Variants in HARBI1 observed in about 807,000 individuals in gnomAD.
HARBI1 encodes the protein harbinger transposase derived 1.
A neutral mutation model predicts 25.3 loss-of-function variants in HARBI1; 15 were observed. The observed-to-expected ratio is 0.59, with a 90% CI of 0.40 to 0.91. The LOEUF is 0.91. Ranked by LOEUF, HARBI1 falls within the 40% of genes least tolerant of loss-of-function variation. HARBI1 has a pLI of 0.00. For synonymous variants in HARBI1, 168 were observed against 160.5 expected (o/e 1.05, Z -0.35); for missense variants, 396 against 445.8 (o/e 0.89, Z 1.01).
In HARBI1 at chr11:46,615,799, C is replaced by A; in HGVS notation, c.439G>T (p.Val147Leu). 3.1e-6 allele frequency: 5 copies of A among 1,614,198 alleles called. No individual in the cohort carries two copies. Among genetic ancestry groups the A allele is most frequent in the Non-Finnish European group, 4.2e-6 (5 of 1,180,034 alleles). Residue 147 changes from valine to leucine, a missense_variant, in exon 2 of 3, where the codon GTG (valine) becomes TTG (leucine). Coordinates refer to ENST00000326737, the MANE Select transcript of HARBI1 (RefSeq NM_173811.4). ...GLAGMPGVMG[V>L]VDCIHVAIKA... The stretch of plus-strand genomic sequence containing the variant: ...ATGGCCACATGGATACAGTCAACCA[C>A]CCCCATCACCCCTGGCATCCCTGCC...
At chr11:46,611,952 C>G (rs753936912) in intron 2 of HARBI1, among the ~76,000 whole-genome samples, 6 of 152,064 alleles carry the variant, frequency 3.9e-5, no homozygotes, top group Admixed American at 3.9e-4. Flanking sequence ...AAAAATAGTA[C>G]GGAGAAGCAA....
chr11:46,615,453 G>A (rs2045342587), intron 2 of HARBI1, 115 bp downstream of exon 2: 3 of 798,890 alleles, frequency 3.8e-6, no homozygotes, highest in East Asian at 5.0e-5. Flanking sequence ...CTTGACCTCA[G>A]GTGATCTACC....
chr11:46,604,832 GT>G (rs1391031383), intron 2 of HARBI1, among the ~76,000 whole-genome samples: 2 of 152,170 alleles, frequency 1.3e-5, no homozygotes, highest in African/African-American at 2.4e-5. Context: ...AATAGTAATA[GT>G]TGGTGATAAG....
chr11:46,604,534 A>G, intron 2 of HARBI1: 1 of 984,896 alleles, frequency 1.0e-6, no homozygotes, highest in South Asian at 4.7e-5. Context: ...ATGAAACAGG[A>G]AAAAAGAGAA....
At chr11:46,615,440 G>A in intron 2 of HARBI1, 128 bp downstream of exon 2, 1 of 739,032 alleles carries the variant, frequency 1.4e-6, no homozygotes, top group East Asian at 2.6e-5. Context: ...CTGGTCTCCA[G>A]CTCTTGACCT....
chr11:46,606,179 C>T (rs2044942689), intron 2 of HARBI1, among the ~76,000 whole-genome samples: 1 of 152,110 alleles, frequency 6.6e-6, no homozygotes, highest in Non-Finnish European at 1.5e-5. Flanking sequence ...AGACACCACG[C>T]CCGGCCATAA....
chr11:46,613,429 T>C (rs1156329482), intron 2 of HARBI1, among the ~76,000 whole-genome samples: 2 of 151,830 alleles, frequency 1.3e-5, no homozygotes, highest in Non-Finnish European at 2.9e-5. Flanking sequence ...CTCAATTGTA[T>C]GGATGTACAA....
intron 2 of HARBI1, among the ~76,000 whole-genome samples, chr11:46,604,933 A>G (rs541415723): frequency 5.3e-5 from 8 of 152,344 alleles, no homozygotes; most frequent in Admixed American, 5.2e-4. Flanking sequence ...AAGTGCTAAC[A>G]AAACAACAAC....
intron 2 of HARBI1, chr11:46,604,664 C>T: frequency 1.0e-6 from 1 of 985,296 alleles, no homozygotes; most frequent in Non-Finnish European, 1.2e-6. Context: ...GTAATTTATT[C>T]TCCCAGTGCT....
At chr11:46,612,221 T>C (rs1013085040) in intron 2 of HARBI1, among the ~76,000 whole-genome samples, 2 of 152,064 alleles carry the variant, frequency 1.3e-5, no homozygotes, top group Non-Finnish European at 2.9e-5. Context: ...ACTGGTATTA[T>C]GAGCCTGGGC....
At chr11:46,614,440 A>C (rs936194252) in intron 2 of HARBI1, among the ~76,000 whole-genome samples, 2 of 151,854 alleles carry the variant, frequency 1.3e-5, no homozygotes, top group Non-Finnish European at 2.9e-5. Flanking sequence ...TAATAATAAT[A>C]ATAATTTTTT....
At chr11:46,614,447 T>A (rs1245283570) in intron 2 of HARBI1, among the ~76,000 whole-genome samples, 1 of 151,714 alleles carries the variant, frequency 6.6e-6, no homozygotes, top group East Asian at 1.9e-4. Flanking sequence ...AATAATAATT[T>A]TTTTTTACGT....
chr11:46,603,502 G>A lies in HARBI1; in HGVS notation c.*28C>T. 1.9e-6 allele frequency: 3 copies of A among 1,545,592 alleles called. No individual in the cohort carries two copies. Among genetic ancestry groups the A allele is most frequent in the Non-Finnish European group, 2.6e-6 (3 of 1,143,006 alleles). On this transcript the variant is annotated 3_prime_UTR_variant, in exon 3 of 3. Transcript: ENST00000326737. The stretch of plus-strand genomic sequence containing the variant: ...GAGGAAAGTCTGTCACAACTCCTGG[G>A]AAGTATCCCTCCTCTCCACCTTCTA...
At chr11:46,617,736 G>A (rs574379493), upstream of HARBI1, 13 of 398,320 alleles carry the variant, frequency 3.3e-5, no homozygotes, top group Non-Finnish European at 4.9e-5. Flanking sequence ...TGCGAGCCAG[G>A]ACCCTTCTGA....
chr11:46,613,251 C>T (rs1277180382), intron 2 of HARBI1, among the ~76,000 whole-genome samples: 1 of 152,018 alleles, frequency 6.6e-6, no homozygotes, highest in East Asian at 1.9e-4. Context: ...TCCTGAAGTG[C>T]TGAGATTATA....
chr11:46,617,098 T>A, intron 1 of HARBI1, 26 bp downstream of exon 1: 1 of 704,314 alleles, frequency 1.4e-6, no homozygotes, highest in Non-Finnish European at 1.7e-6. Context: ...CGCCGGCCAC[T>A]CAGTTAGCCC....
intron 1 of HARBI1, 158 bp from the exon 2 acceptor site, chr11:46,616,539 G>T: frequency 8.6e-7 from 1 of 1,162,052 alleles, no homozygotes; most frequent in African/African-American, 1.6e-5. Context: ...ATGGCTGCAC[G>T]ACAGGCTTGC....
chr11:46,608,578 T>C (rs2045047748), intron 2 of HARBI1, among the ~76,000 whole-genome samples: 12 of 151,708 alleles, frequency 7.9e-5, no homozygotes, highest in Admixed American at 7.9e-4. Context: ...CTGAGTAAGC[T>C]GGGACTACAG....
At chr11:46,615,428 G>A (rs1591261863) in intron 2 of HARBI1, 140 bp downstream of exon 2, 2 of 689,038 alleles carry the variant, frequency 2.9e-6, no homozygotes, top group Non-Finnish European at 5.0e-6. Context: ...ATGTTGGCCA[G>A]GCTGGTCTCC....
Sources: allele counts gnomAD v4.1 joint callset (sites outside exome capture counted in the v4.1 genomes callset), GRCh38; gene constraint gnomAD v4.1.1; transcripts MANE v1.5; gene names NCBI Gene and HGNC (gene_info 2026-07-23, HGNC 2026-07-21).